The following PLS3 variants were observed in gnomAD, a reference collection of about 807,000 sequenced individuals.
PLS3 encodes the protein plastin 3.
A neutral mutation model predicts 46.5 loss-of-function variants in PLS3; 11 were observed. That is an observed-to-expected ratio of 0.24 (90% CI 0.15 to 0.39). The LOEUF (loss-of-function observed/expected upper bound fraction) is 0.39. Ranked by LOEUF, PLS3 falls within the 10% of genes least tolerant of loss-of-function variation. The pLI, the probability that PLS3 is intolerant of heterozygous loss-of-function variation, is 1.00. For synonymous variants in PLS3, 167 were observed against 162.2 expected (o/e 1.03, Z -0.22); for missense variants, 308 against 461.8 (o/e 0.67, Z 3.05).
At chrX:115,632,023 C>T (rs1054657031) in intron 5 of PLS3, among the ~76,000 whole-genome samples, 4 of 109,962 alleles carry the variant, frequency 3.6e-5, no homozygotes, top group Admixed American at 2.0e-4. Flanking sequence ...AGGCTGGTCT[C>T]GAACTCCTGA....
intron 1 of PLS3, among the ~76,000 whole-genome samples, chrX:115,592,109 T>C (rs782372693): frequency 4.5e-5 from 5 of 111,877 alleles, no homozygotes; most frequent in Non-Finnish European, 9.4e-5. Flanking sequence ...ACACTGTGAG[T>C]CACCTCCTTA....
chrX:115,629,993 C>T, intron 5 of PLS3, 26 bp downstream of exon 5: 1 of 1,097,369 alleles, frequency 9.1e-7, no homozygotes, highest in Admixed American at 2.8e-5. Context: ...GTTTTATATC[C>T]AGATATCCAA....
rs782091478 is a variant in PLS3 at position 115,646,152 on chromosome X, C to T, written c.1343C>T (p.Pro448Leu). 24 of 1,170,376 alleles carry T rather than the reference C, an allele frequency of 2.1e-5. No individual in the cohort carries two copies. In the Middle Eastern group the frequency reaches 1.9e-3, roughly 92 times the overall value. Reference sequence around the variant, plus strand: ...GTTGACTGGAGTAAGGTTAATAAACCTCCATACCCGAAACTGGGAGCCAAC... The same window carrying T: ...GTTGACTGGAGTAAGGTTAATAAACTTCCATACCCGAAACTGGGAGCCAAC... ...VPVDWSKVNKPPYPKLGANMK... is the reference protein window; with the variant it reads ...VPVDWSKVNKLPYPKLGANMK... The change falls in exon 12 of 16, where the codon CCT becomes CTT. Residue 448 changes from proline (P) to leucine (L), a missense_variant. Pro to Leu is a moderately conservative substitution (Grantham distance 98, BLOSUM62 -3). This residue lies in a region of PLS3 where 271 missense variants were observed against 435.7 expected (regional missense o/e 0.62). Coordinates refer to ENST00000355899, the MANE Select transcript of PLS3 (RefSeq NM_005032.7).
intron 1 of PLS3, among the ~76,000 whole-genome samples, chrX:115,582,057 A>G (rs145292234): frequency 2.1e-3 from 237 of 112,439 alleles, no homozygotes; most frequent in African/African-American, 7.4e-3. Context: ...GTAAACATAT[A>G]TCCAGATTTC....
intron 1 of PLS3, among the ~76,000 whole-genome samples, chrX:115,575,618 T>C (rs995500926): frequency 1.8e-5 from 2 of 111,370 alleles, no homozygotes; most frequent in Non-Finnish European, 3.8e-5. Flanking sequence ...TAATTTTTTG[T>C]ATTTTTAGTA....
chrX:115,624,246 A>AG (rs1247137321), intron 3 of PLS3: 2 of 108,669 alleles, frequency 1.8e-5, no homozygotes, highest in African/African-American at 6.7e-5. Flanking sequence ...AAAAAAAAAA[A>AG]AAAAAAAGCA....
At chrX:115,648,781 A>G (rs2074976650) in intron 15 of PLS3, among the ~76,000 whole-genome samples, 1 of 112,250 alleles carries the variant, frequency 8.9e-6, no homozygotes. Context: ...AACTCTTGAA[A>G]TCTCTTTTTC....
At chrX:115,611,261 C>T (rs148934042) in intron 2 of PLS3, among the ~76,000 whole-genome samples, 7 of 112,819 alleles carry the variant, frequency 6.2e-5, no homozygotes, top group Admixed American at 1.9e-4. Flanking sequence ...GAATAATGAC[C>T]CCAGCCAGAG....
At chrX:115,573,180 T>A (rs782634815) in intron 1 of PLS3, among the ~76,000 whole-genome samples, 39 of 108,087 alleles carry the variant, frequency 3.6e-4, no homozygotes, top group African/African-American at 1.3e-3. Context: ...CATAAAATAA[T>A]TTCTAAATAT....
chrX:115,598,800 T>G (rs1556634190), intron 1 of PLS3, among the ~76,000 whole-genome samples: 1 of 111,841 alleles, frequency 8.9e-6, no homozygotes, highest in Non-Finnish European at 1.9e-5. Context: ...GGAATGAATG[T>G]GTCATAGGAG....
At chrX:115,576,015 A>G (rs2074246466) in intron 1 of PLS3, among the ~76,000 whole-genome samples, 1 of 112,090 alleles carries the variant, frequency 8.9e-6, no homozygotes, top group African/African-American at 3.2e-5. Flanking sequence ...AATGGGTTCA[A>G]TCAACCAAAA....
chrX:115,575,690 G>T (rs1322361395), intron 1 of PLS3, among the ~76,000 whole-genome samples: 2 of 111,557 alleles, frequency 1.8e-5, no homozygotes, highest in African/African-American at 6.5e-5. Flanking sequence ...TGATCCACCC[G>T]CCTCGGCCTC....
At chrX:115,644,623 T>TA (rs1419354141) in intron 10 of PLS3, among the ~76,000 whole-genome samples, 2 of 109,397 alleles carry the variant, frequency 1.8e-5, no homozygotes, top group Non-Finnish European at 3.8e-5. Context: ...AATAAATAAA[T>TA]AAATAAATAA....
intron 1 of PLS3, among the ~76,000 whole-genome samples, chrX:115,587,179 C>T (rs9887400): frequency 0.087 from 9,801 of 112,380 alleles, 1,037 homozygotes; most frequent in African/African-American, 0.3. Context: ...GTGATAGCCA[C>T]TGTATTCCTC....
rs782812289 is a variant in PLS3, at chrX:115,624,125, AG to A, written c.237+1718del. Among the ~76,000 whole-genome samples, 570 of 102,491 alleles carry A rather than the reference AG, an allele frequency of 5.6e-3. 2 individuals are homozygous for A. The highest frequency in any genetic ancestry group is 0.019 in the African/African-American group (537 of 27,884). The allele number at this position is 102,491 out of a possible 115,157, so 89.0% of individuals were successfully genotyped here. Reference sequence around the variant, plus strand: ...GTGCCTGTAATCCCAGCTACTCGGGAGGCTGGGGCAAGAGAATCGCCTGAAC... The same window carrying A: ...GTGCCTGTAATCCCAGCTACTCGGGAGCTGGGGCAAGAGAATCGCCTGAAC... On this transcript the variant is annotated intron_variant, in intron 3 of 15. Transcript: ENST00000355899.
rs1444061768 is a variant in PLS3, at chrX:115,650,768, T to C, written c.*1207T>C. ...TTTTCTGATGTATTCTGTAAAATGGTGTTTGTTAAATTTGAGTTTTGGGAG... is the reference window on the plus strand; with the variant it reads ...TTTTCTGATGTATTCTGTAAAATGGCGTTTGTTAAATTTGAGTTTTGGGAG... On this transcript the variant is annotated 3_prime_UTR_variant, in exon 16 of 16. Coordinates refer to ENST00000355899, the MANE Select transcript of PLS3 (RefSeq NM_005032.7). 2.7e-5 allele frequency: 3 copies of C among 112,201 alleles called. No individual in the cohort carries two copies. The highest frequency in any genetic ancestry group is 5.6e-5 in the Non-Finnish European group (3 of 53,229). The allele number at this position is 112,201 out of a possible 1,213,427, so 9.2% of individuals were successfully genotyped here.
In PLS3 at chrX:115,649,556, G is replaced by A. The variant is rs781984626; in HGVS notation, c.1888G>A (p.Val630Met). 9 of 1,206,603 alleles carry A rather than the reference G, an allele frequency of 7.5e-6. No individual in the cohort carries two copies. The highest frequency in any genetic ancestry group is 9.0e-6 in the Non-Finnish European group (8 of 892,575). Residue 630 changes from valine to methionine, a missense_variant, in exon 16 of 16, where the codon GTG (valine) becomes ATG (methionine). Val to Met is a conservative substitution (Grantham distance 21). Coordinates refer to ENST00000355899, the MANE Select transcript of PLS3 (RefSeq NM_005032.7). ...TTTGATGGGCAGGGGAATGAAGAGA[G>A]TGTAAAATAACCAATCTGAATAAAA... ...ACLMGRGMKRV is the reference protein window; with the variant it reads ...ACLMGRGMKRM
intron 1 of PLS3, among the ~76,000 whole-genome samples, chrX:115,563,472 C>T (rs1435813302): frequency 9.1e-6 from 1 of 110,497 alleles, no homozygotes; most frequent in African/African-American, 3.3e-5. Flanking sequence ...GGCAATTTGG[C>T]TATTCAGATT....
intron 1 of PLS3, among the ~76,000 whole-genome samples, chrX:115,576,827 C>T (rs1334685199): frequency 8.9e-6 from 1 of 112,304 alleles, no homozygotes; most frequent in Admixed American, 9.5e-5. Context: ...TTAGAACTTC[C>T]TGCGTATTTA....
Sources: allele counts gnomAD v4.1 joint callset (sites outside exome capture counted in the v4.1 genomes callset), GRCh38; gene constraint gnomAD v4.1.1; regional missense constraint gnomAD v4.1.1; transcripts MANE v1.5; gene names NCBI Gene and HGNC (gene_info 2026-07-23, HGNC 2026-07-21).